CPED1: variants seen among roughly 807,000 people sequenced by gnomAD.
The protein encoded by CPED1 is cadherin like and PC-esterase domain containing 1.
Under a neutral mutation model 128.2 loss-of-function variants are expected in CPED1, and 114 were observed. That is an observed-to-expected ratio of 0.89 (90% CI 0.76 to 1.04). The LOEUF (loss-of-function observed/expected upper bound fraction) is 1.04. Among genes scored for constraint, CPED1 ranks in the 50% least tolerant of loss-of-function variants. The pLI, the probability that CPED1 is intolerant of heterozygous loss-of-function variation, is 0.00. For synonymous variants in CPED1, 462 were observed against 426.7 expected (o/e 1.08, Z -1.02); for missense variants, 1,211 against 1,207.1 (o/e 1.00, Z -0.05).
intron 7 of CPED1, among the ~76,000 whole-genome samples, chr7:121,110,565 G>T (rs1795085079): frequency 6.6e-6 from 1 of 152,126 alleles, no homozygotes; most frequent in Non-Finnish European, 1.5e-5. Flanking sequence ...AATTCCAAAG[G>T]TAGGAGAGTC....
chr7:121,093,283 A>AT (rs907280805), intron 5 of CPED1, among the ~76,000 whole-genome samples: 13 of 151,558 alleles, frequency 8.6e-5, no homozygotes, highest in Middle Eastern at 3.4e-3. Context: ...ACATTCAACA[A>AT]TTTTTTTTTA....
intron 5 of CPED1, among the ~76,000 whole-genome samples, chr7:121,088,792 A>AAAAAAAAAAAAAAAAAAAAAAAAAT: frequency 7.5e-6 from 1 of 133,072 alleles, no homozygotes; most frequent in Non-Finnish European, 1.7e-5. Flanking sequence ...AAAAAAAAAA[A>AAAAAAAAAAAAAAAAAAAAAAAAAT]TTGAAAGTGT....
At chr7:121,207,015 C>T (rs1238274970) in intron 16 of CPED1, among the ~76,000 whole-genome samples, 5 of 151,952 alleles carry the variant, frequency 3.3e-5, no homozygotes, top group African/African-American at 1.2e-4. Flanking sequence ...TAGTGGCCTG[C>T]AACTTTCTTT....
chr7:121,100,242 C>T, intron 7 of CPED1, 148 bp downstream of exon 7: 2 of 704,936 alleles, frequency 2.8e-6, no homozygotes, highest in Non-Finnish European at 4.6e-6. Flanking sequence ...AAGATTTTCA[C>T]TTAATAGGTG....
chr7:121,253,337 A>G (rs1798730947), intron 18 of CPED1, among the ~76,000 whole-genome samples: 1 of 149,524 alleles, frequency 6.7e-6, no homozygotes, highest in Non-Finnish European at 1.5e-5. Flanking sequence ...GGGGAGGGAT[A>G]GCATTAGGAG....
chr7:121,027,899 A>C lies in CPED1; in HGVS notation c.433+12051A>C, dbSNP rs145511592. The stretch of plus-strand genomic sequence containing the variant: ...TGGAATTTAAAAAATCTTGTTTAAC[A>C]TTCCACCTCCTTATCAGAGTCACTA... On this transcript the variant is annotated intron_variant, in intron 3 of 22. Coordinates refer to ENST00000310396, the MANE Select transcript of CPED1 (RefSeq NM_024913.5). 1.9e-3 allele frequency among the ~76,000 whole-genome samples: 285 copies of C among 152,216 alleles called. 2 individuals carry two copies. The highest frequency in any genetic ancestry group is 6.6e-3 in the African/African-American group (273 of 41,548).
intron 3 of CPED1, among the ~76,000 whole-genome samples, chr7:121,026,456 G>A (rs1792583284): frequency 6.6e-6 from 1 of 152,070 alleles, no homozygotes; most frequent in Non-Finnish European, 1.5e-5. Context: ...CTGCTAAACA[G>A]AACACATATT....
At chr7:121,273,414 G>A (rs932064611) in intron 22 of CPED1, among the ~76,000 whole-genome samples, 1 of 151,830 alleles carries the variant, frequency 6.6e-6, no homozygotes, top group African/African-American at 2.4e-5. Flanking sequence ...CCCAGCTACT[G>A]GGGAGGTAGA....
intron 8 of CPED1, 136 bp downstream of exon 8, chr7:121,124,609 T>C: frequency 1.7e-6 from 1 of 575,210 alleles, no homozygotes; most frequent in Non-Finnish European, 2.8e-6. Flanking sequence ...TATACAAACA[T>C]GATCTTCTAA....
intron 16 of CPED1, among the ~76,000 whole-genome samples, chr7:121,227,614 T>C (rs1798044125): frequency 6.6e-6 from 1 of 152,098 alleles, no homozygotes; most frequent in African/African-American, 2.4e-5. Context: ...GTCAGCTATA[T>C]ATTAAGATGA....
intron 16 of CPED1, among the ~76,000 whole-genome samples, chr7:121,228,605 A>G (rs1389884012): frequency 6.9e-6 from 1 of 145,174 alleles, no homozygotes; most frequent in Admixed American, 6.9e-5. Flanking sequence ...AAAAAATCCA[A>G]AATAGAATTA....
chr7:121,114,362 G>A (rs1460868440), intron 7 of CPED1, among the ~76,000 whole-genome samples: 1 of 152,164 alleles, frequency 6.6e-6, no homozygotes. Flanking sequence ...AGAGCTCAAT[G>A]CCTGAGGCAA....
chr7:121,095,464 G>C (rs946890195), intron 5 of CPED1, among the ~76,000 whole-genome samples: 1 of 151,478 alleles, frequency 6.6e-6, no homozygotes, highest in Non-Finnish European at 1.5e-5. Flanking sequence ...ATTTTAGAGG[G>C]GACAGCTAAT....
intron 16 of CPED1, among the ~76,000 whole-genome samples, chr7:121,157,971 G>T (rs1440719846): frequency 6.6e-6 from 1 of 152,078 alleles, no homozygotes; most frequent in Non-Finnish European, 1.5e-5. Flanking sequence ...TAGTGGCATT[G>T]TCTTGATATC....
At chr7:121,003,732 A>G (rs1791928287) in intron 2 of CPED1, among the ~76,000 whole-genome samples, 2 of 152,156 alleles carry the variant, frequency 1.3e-5, no homozygotes, top group Non-Finnish European at 2.9e-5. Context: ...GAGGGAAAGC[A>G]TGGGAGGGAG....
At chr7:121,024,529 G>T (rs940804868) in intron 3 of CPED1, among the ~76,000 whole-genome samples, 1 of 152,090 alleles carries the variant, frequency 6.6e-6, no homozygotes, top group South Asian at 2.1e-4. Context: ...ACCAGACTGG[G>T]TATTTAAATT....
At chr7:121,189,169 T>G (rs1206876316) in intron 16 of CPED1, among the ~76,000 whole-genome samples, 3 of 152,154 alleles carry the variant, frequency 2.0e-5, no homozygotes, top group African/African-American at 7.2e-5. Context: ...GCTTTCTTCA[T>G]TTATGAAGAT....
At chr7:121,172,182 G>A (rs866431843) in intron 16 of CPED1, among the ~76,000 whole-genome samples, 4 of 152,102 alleles carry the variant, frequency 2.6e-5, no homozygotes, top group East Asian at 1.9e-4. Context: ...GGTCTACCCC[G>A]GGAAAGGTTG....
At chr7:121,129,157 A>C (rs565781504) in intron 11 of CPED1, among the ~76,000 whole-genome samples, 2 of 151,010 alleles carry the variant, frequency 1.3e-5, no homozygotes, top group Admixed American at 6.6e-5. Context: ...GTATTTTTCC[A>C]CCTAAGATTT....
Sources: gnomAD v4.1 joint callset for allele counts (sites outside exome capture counted in the v4.1 genomes callset) on GRCh38, gnomAD v4.1.1 for gene constraint, MANE v1.5 for transcripts, NCBI Gene and HGNC (gene_info 2026-07-23, HGNC 2026-07-21) for gene names.